Variants in CHID1 observed in about 807,000 individuals in gnomAD.
CHID1 encodes chitinase domain-containing protein 1.
CHID1 carries 44 observed loss-of-function variants against 55.4 expected under a neutral mutation model. The observed-to-expected ratio is 0.79, with a 90% confidence interval of 0.62 to 1.02. CHID1 has a LOEUF of 1.02. Ranked by LOEUF, CHID1 falls within the 50% of genes least tolerant of loss-of-function variation. The probability of loss-of-function intolerance (pLI) is 0.00; values close to 1 mark genes in which losing one functional copy is unlikely to be tolerated. For synonymous variants in CHID1, 216 were observed against 212.9 expected (o/e 1.01, Z -0.13); for missense variants, 491 against 515.3 (o/e 0.95, Z 0.46).
In CHID1 at chr11:870,476, T is replaced by G; in HGVS notation, c.983A>C (p.His328Pro). 1.2e-6 allele frequency: 2 copies of G among 1,611,516 alleles called. No individual in the cohort carries two copies. The highest frequency in any genetic ancestry group is 1.7e-6 in the Non-Finnish European group (2 of 1,179,100). ...GCTGTCCCACACCATCCGGGGCCTG[T>G]GGTCCTTCAGTGTCTGGATGTACCT... The part of the protein sequence containing the change: ...GARYIQTLKD[H>P]RPRMVWDSQA... Residue 328 changes from histidine to proline, a missense_variant, in exon 11 of 13, where the codon CAC becomes CCC. By Grantham distance (77) the His-to-Pro change is moderately conservative. Transcript: ENST00000323578.
intron 10 of CHID1, 176 bp downstream of exon 10, chr11:882,972 G>A (rs1850101870): frequency 4.7e-6 from 3 of 634,434 alleles, no homozygotes; most frequent in African/African-American, 3.7e-5. Context: ...CCACAGTGGG[G>A]GCTGCGGTGG....
chr11:874,556 G>A (rs1164985094), intron 10 of CHID1, among the ~76,000 whole-genome samples: 1 of 152,208 alleles, frequency 6.6e-6, no homozygotes. Flanking sequence ...CAAGGCTCAA[G>A]CGATCCTCCC....
intron 1 of CHID1, among the ~76,000 whole-genome samples, chr11:905,711 G>A (rs1459439907): frequency 7.9e-5 from 12 of 151,932 alleles, no homozygotes; most frequent in Admixed American, 6.6e-5. Flanking sequence ...AGAAGCCTAC[G>A]ATAATAACGA....
chr11:901,463 C>T (rs532298296), intron 4 of CHID1, among the ~76,000 whole-genome samples: 17 of 152,310 alleles, frequency 1.1e-4, no homozygotes, highest in Non-Finnish European at 1.6e-4. Flanking sequence ...TCTCTCTGTC[C>T]GAGCCCAAAC....
intron 2 of CHID1, among the ~76,000 whole-genome samples, chr11:904,008 A>G (rs1401869276): frequency 6.6e-6 from 1 of 151,810 alleles, no homozygotes; most frequent in Non-Finnish European, 1.5e-5. Flanking sequence ...TTTTCCTGCC[A>G]TGTCACACCT....
intron 2 of CHID1, among the ~76,000 whole-genome samples, 187 bp from the exon 3 acceptor site, chr11:903,298 C>A (rs1485280235): frequency 6.6e-6 from 1 of 152,218 alleles, no homozygotes; most frequent in African/African-American, 2.4e-5. Flanking sequence ...CAGAAGCACT[C>A]TGGCCGTCAA....
At chr11:912,458 T>C (rs1279635998), upstream of CHID1, among the ~76,000 whole-genome samples, 1 of 152,126 alleles carries the variant, frequency 6.6e-6, no homozygotes, top group Non-Finnish European at 1.5e-5. Context: ...AACGGCCGGG[T>C]TCCTGGGGGA....
Position 893,414 on chromosome 11 carries a change from G to T in CHID1, c.701+13C>A. ...CTCCACAGCCACCCCCACATCTCAAGAGCGGCACTTACCCGGGGGTGATGG... is the reference window on the plus strand; with the variant it reads ...CTCCACAGCCACCCCCACATCTCAATAGCGGCACTTACCCGGGGGTGATGG... On this transcript the variant is annotated intron_variant, in intron 8 of 12. Transcript: ENST00000323578. 1 of 1,546,352 alleles carries T rather than the reference G, an allele frequency of 6.5e-7. No homozygotes were observed.
intron 10 of CHID1, chr11:882,427 A>C (rs1850031635): frequency 6.6e-6 from 1 of 152,274 alleles, no homozygotes; most frequent in Non-Finnish European, 1.5e-5. Flanking sequence ...ACAGAAGAGA[A>C]GAAACAGAAA....
At chr11:904,627 C>T in intron 2 of CHID1, 79 bp downstream of exon 2, 1 of 1,549,832 alleles carries the variant, frequency 6.5e-7, no homozygotes, top group East Asian at 2.3e-5. Flanking sequence ...GGCTCACAGG[C>T]CCCAGTGGAC....
At position 868,507 on chromosome 11, in the gene CHID1, A is replaced by G. The variant is rs1036676838; in HGVS notation, c.*1351T>C. ...TGGGATTACAGGCATGAACCGCCGC[A>G]CACACCACTTGTATCTCCTATGCCC... On this transcript the variant is annotated 3_prime_UTR_variant, in exon 13 of 13. Coordinates refer to ENST00000323578, the MANE Select transcript of CHID1 (RefSeq NM_023947.4). The G allele has an allele frequency of 1.3e-5, 2 of 151,906 alleles. No homozygotes were observed. The highest frequency in any genetic ancestry group is 2.9e-5 in the Non-Finnish European group (2 of 68,016). The allele number at this position is 151,906 out of a possible 1,614,324, so 9.4% of individuals were successfully genotyped here. A position where few individuals can be genotyped will look rare whatever the true frequency, so the allele number is the denominator to read the frequency against.
At chr11:884,634 C>A (rs559451533) in intron 8 of CHID1, among the ~76,000 whole-genome samples, 1 of 152,234 alleles carries the variant, frequency 6.6e-6, no homozygotes, top group Non-Finnish European at 1.5e-5. Context: ...CACTCAGGGT[C>A]GGCCTGGCCC....
chr11:889,288 A>C (rs2134218405), intron 8 of CHID1, among the ~76,000 whole-genome samples: 1 of 150,790 alleles, frequency 6.6e-6, no homozygotes. Context: ...TGAAACCCCC[A>C]CCCACCCACC....
At chr11:882,743 T>C (rs1404831074) in intron 10 of CHID1, among the ~76,000 whole-genome samples, 16 of 152,136 alleles carry the variant, frequency 1.1e-4, no homozygotes, top group Admixed American at 1.0e-3. Flanking sequence ...AGTAAAGTAA[T>C]GCCAACAAGA....
At chr11:886,556 G>A (rs1265078224) in intron 8 of CHID1, among the ~76,000 whole-genome samples, 1 of 152,228 alleles carries the variant, frequency 6.6e-6, no homozygotes, top group African/African-American at 2.4e-5. Context: ...GGGGCCTTTA[G>A]GAGGTGATTA....
chr11:910,855 C>T, upstream of CHID1: 1 of 1,083,474 alleles, frequency 9.2e-7, no homozygotes. Flanking sequence ...CCCCAGGCGC[C>T]CGCGCGCCGC....
At chr11:870,095 G>A (rs113580509) in intron 12 of CHID1, 26 bp downstream of exon 12, 144,108 of 1,532,602 alleles carry the variant, frequency 0.094, 7,002 homozygotes, top group South Asian at 0.13. Flanking sequence ...CCCCTCCCCC[G>A]GTCCCACGGC....
chr11:896,938 C>T (rs1392207770), intron 7 of CHID1, among the ~76,000 whole-genome samples: 24 of 91,358 alleles, frequency 2.6e-4, no homozygotes, highest in East Asian at 8.8e-4. Context: ...TCTCAGCACC[C>T]CCAGCCTCCA....
chr11:880,791 C>T (rs1034650736), intron 10 of CHID1, among the ~76,000 whole-genome samples: 9 of 152,172 alleles, frequency 5.9e-5, no homozygotes, highest in African/African-American at 1.9e-4. Context: ...AGACGACAGC[C>T]GAGGCCTCCA....
Sources: gnomAD v4.1 joint callset for allele counts (sites outside exome capture counted in the v4.1 genomes callset) on GRCh38, gnomAD v4.1.1 for gene constraint, MANE v1.5 for transcripts, NCBI Gene and HGNC (gene_info 2026-07-23, HGNC 2026-07-21) for gene names.